ALPK1: variants seen among roughly 807,000 people sequenced by gnomAD.
ALPK1 encodes the protein alpha kinase 1, also known as alpha-protein kinase 1.
A neutral mutation model predicts 120.6 loss-of-function variants in ALPK1; 110 were observed. That is an observed-to-expected ratio of 0.91 (90% CI 0.78 to 1.07). ALPK1 has a LOEUF of 1.07. Among genes scored for constraint, ALPK1 ranks in the 50% least tolerant of loss-of-function variants. The pLI is 0.00. For missense variants in ALPK1, 1,498 were observed against 1,483.9 expected (o/e 1.01, Z -0.16); for synonymous variants, 582 against 560.3 (o/e 1.04, Z -0.55).
At chr4:112,400,204 A>C (rs1361553218) in intron 4 of ALPK1, among the ~76,000 whole-genome samples, 2 of 152,186 alleles carry the variant, frequency 1.3e-5, no homozygotes, top group Non-Finnish European at 2.9e-5. Context: ...GATGCAGATG[A>C]GAATTATCCG....
At chr4:112,346,344 AAC>A (rs1403447962) in intron 2 of ALPK1, among the ~76,000 whole-genome samples, 2 of 152,220 alleles carry the variant, frequency 1.3e-5, no homozygotes, top group Non-Finnish European at 2.9e-5. Context: ...TTGCTTCCAT[AAC>A]ACAACAGTTT....
chr4:112,330,362 C>G (rs1729312739), intron 2 of ALPK1, among the ~76,000 whole-genome samples: 1 of 152,136 alleles, frequency 6.6e-6, no homozygotes, highest in Non-Finnish European at 1.5e-5. Flanking sequence ...CATTTACAGC[C>G]TAAGCTATAA....
At chr4:112,405,390 GTCT>G (rs951122899) in intron 4 of ALPK1, among the ~76,000 whole-genome samples, 1 of 152,170 alleles carries the variant, frequency 6.6e-6, no homozygotes, top group Non-Finnish European at 1.5e-5. Context: ...CTCCCGGGAA[GTCT>G]TCTTTCCTTT....
At chr4:112,404,142 G>GA (rs1381709879) in intron 4 of ALPK1, among the ~76,000 whole-genome samples, 1 of 152,046 alleles carries the variant, frequency 6.6e-6, no homozygotes, top group Non-Finnish European at 1.5e-5. Flanking sequence ...GAAAGAGATT[G>GA]AAAAAAATGA....
intron 1 of ALPK1, among the ~76,000 whole-genome samples, chr4:112,312,747 G>C (rs568722834): frequency 7.9e-5 from 12 of 152,342 alleles, no homozygotes; most frequent in Non-Finnish European, 1.6e-4. Context: ...CACAGTGAAA[G>C]AACAGAAAAG....
At chr4:112,359,395 C>T (rs1730805830) in intron 2 of ALPK1, 1 of 331,986 alleles carries the variant, frequency 3.0e-6, no homozygotes. Flanking sequence ...GCTGCCCTGA[C>T]CACTGCGAAG....
intron 3 of ALPK1, 49 bp from the exon 4 acceptor site, chr4:112,382,349 A>G: frequency 6.4e-7 from 1 of 1,572,730 alleles, no homozygotes; most frequent in Non-Finnish European, 8.7e-7. Flanking sequence ...GTAGCTCAAC[A>G]GCCTTTTCTT....
At chr4:112,359,113 C>G in intron 2 of ALPK1, 2 of 715,736 alleles carry the variant, frequency 2.8e-6, no homozygotes, top group South Asian at 2.8e-5. Context: ...CTGACCCTGT[C>G]CAAGGCTGTG....
Position 112,425,737 on chromosome 4 carries a change from T to C in ALPK1, c.608T>C (p.Ile203Thr). Residue 203 changes from isoleucine (I) to threonine (T), a missense_variant, in exon 7 of 16, where the codon ATT becomes ACT. Transcript: ENST00000650871. ...GTCTGTATACAGATCAGAGGGCAGATTCTGCAAAAGCTGGGTACAATCATG... is the reference window on the plus strand; with the variant it reads ...GTCTGTATACAGATCAGAGGGCAGACTCTGCAAAAGCTGGGTACAATCATG... The part of the protein sequence containing the change: ...QSVCIQIRGQ[I>T]LQKLGMWYEA... 6.2e-7 allele frequency: 1 copy of C among 1,611,448 alleles called. No homozygotes were observed. Among genetic ancestry groups the C allele is most frequent in the Non-Finnish European group, 8.5e-7 (1 of 1,178,202 alleles).
rs148320706 is a variant in ALPK1, at chr4:112,431,459, A to G, written c.1912A>G (p.Met638Val). The G allele has an allele frequency of 3.5e-5, 56 of 1,614,218 alleles. No individual in the cohort carries two copies. In the East Asian group the frequency reaches 5.1e-4, roughly 15 times the overall value. ...ELENDREGRAMHSLHSQLHDL... is the reference protein window; with the variant it reads ...ELENDREGRAVHSLHSQLHDL... Reference sequence around the variant, plus strand: ...AGAGAATGACAGGGAAGGCAGAGCTATGCATTCATTGCATTCACAGCTTCA... The same window carrying G: ...AGAGAATGACAGGGAAGGCAGAGCTGTGCATTCATTGCATTCACAGCTTCA... The change falls in exon 11 of 16, where the codon ATG (methionine) becomes GTG (valine). Residue 638 changes from methionine (M) to valine (V), a missense_variant. By Grantham distance (21) the Met-to-Val change is conservative. Coordinates refer to ENST00000650871, the MANE Select transcript of ALPK1 (RefSeq NM_025144.4).
chr4:112,317,678 A>T (rs962718012), intron 2 of ALPK1, among the ~76,000 whole-genome samples: 3 of 151,978 alleles, frequency 2.0e-5, no homozygotes, highest in Non-Finnish European at 2.9e-5. Flanking sequence ...TTTTTTCAAA[A>T]TTTTTTTAGC....
intron 2 of ALPK1, chr4:112,356,296 C>T: frequency 9.5e-7 from 1 of 1,048,478 alleles, no homozygotes; most frequent in South Asian, 1.3e-5. Context: ...TGTGCACCAC[C>T]CTGGCCTGGC....
At chr4:112,326,500 T>C (rs556335303) in intron 2 of ALPK1, among the ~76,000 whole-genome samples, 1 of 152,268 alleles carries the variant, frequency 6.6e-6, no homozygotes, top group South Asian at 2.1e-4. Flanking sequence ...ATTCAAGTCT[T>C]AATGGAATGA....
chr4:112,335,311 A>G (rs922495622), intron 2 of ALPK1, among the ~76,000 whole-genome samples: 1 of 151,798 alleles, frequency 6.6e-6, no homozygotes, highest in Non-Finnish European at 1.5e-5. Context: ...AAATGCAGTC[A>G]TTTGCTTTTG....
At chr4:112,403,428 A>G (rs1200637316) in intron 4 of ALPK1, among the ~76,000 whole-genome samples, 1 of 152,230 alleles carries the variant, frequency 6.6e-6, no homozygotes, top group Admixed American at 6.5e-5. Flanking sequence ...AGAGAAAAGA[A>G]AATGAAAAGA....
At position 112,431,983 on chromosome 4, in the gene ALPK1, C is replaced by T. The variant is rs2148763387; in HGVS notation, c.2436C>T (p.Asn812=). ...FHRVLHNSLG[N]ISMLPCSSFT... The stretch of plus-strand genomic sequence containing the variant: ...GGGTCCTGCACAATTCTCTGGGAAA[C>T]ATTTCCATGCTGCCATGTAGCTCCT... The change falls in exon 11 of 16, where the codon AAC becomes AAT. Residue 812 remains asparagine (N), a synonymous_variant. Coordinates refer to ENST00000650871, the MANE Select transcript of ALPK1 (RefSeq NM_025144.4). 3.1e-6 allele frequency: 5 copies of T among 1,614,142 alleles called. No homozygotes were observed. The highest frequency in any genetic ancestry group is 4.2e-6 in the Non-Finnish European group (5 of 1,180,010).
chr4:112,413,676 C>G (rs1733598036), intron 5 of ALPK1, among the ~76,000 whole-genome samples: 1 of 152,214 alleles, frequency 6.6e-6, no homozygotes, highest in South Asian at 2.1e-4. Flanking sequence ...ACCTCGGCCT[C>G]CCAGAATGCT....
At chr4:112,313,465 G>A (rs1334242340) in intron 1 of ALPK1, among the ~76,000 whole-genome samples, 1 of 152,202 alleles carries the variant, frequency 6.6e-6, no homozygotes, top group African/African-American at 2.4e-5. Flanking sequence ...GCTCACGCCT[G>A]TAATCCCAAC....
chr4:112,322,418 T>C (rs1338951543), intron 2 of ALPK1, among the ~76,000 whole-genome samples: 2 of 152,226 alleles, frequency 1.3e-5, no homozygotes, highest in Non-Finnish European at 2.9e-5. Context: ...TATTTCCAAC[T>C]TATCAACAGT....
Sources: allele counts gnomAD v4.1 joint callset (sites outside exome capture counted in the v4.1 genomes callset), GRCh38; gene constraint gnomAD v4.1.1; transcripts MANE v1.5; gene names NCBI Gene and HGNC (gene_info 2026-07-23, HGNC 2026-07-21).